The following UNC5C variants were observed in gnomAD, a reference collection of about 807,000 sequenced individuals.
UNC5C encodes the protein netrin receptor UNC5C.
In UNC5C, 47 loss-of-function variants were observed where a neutral mutation model predicts 99.8. That is an observed-to-expected ratio of 0.47 (90% CI 0.37 to 0.60). The LOEUF (loss-of-function observed/expected upper bound fraction) is 0.60, where lower values mean the gene tolerates loss of function less well. Ranked by LOEUF, UNC5C falls within the 20% of genes least tolerant of loss-of-function variation. The pLI is 0.00. For missense variants in UNC5C, 1,062 were observed against 1,165.9 expected, an observed-to-expected ratio of 0.91 and a Z score of 1.30; for synonymous variants, 487 against 452.2, an observed-to-expected ratio of 1.08 and a Z score of -0.98.
At chr4:95,469,491 G>T (rs939840067) in intron 1 of UNC5C, among the ~76,000 whole-genome samples, 1 of 152,048 alleles carries the variant, frequency 6.6e-6, no homozygotes, top group Non-Finnish European at 1.5e-5. Flanking sequence ...TGCATTTTCA[G>T]TACAAGATAA....
Position 95,301,639 on chromosome 4 carries a change from T to C in UNC5C, c.457A>G (p.Thr153Ala), listed in dbSNP as rs370458167. 78 of 1,613,892 alleles carry C rather than the reference T, an allele frequency of 4.8e-5. No homozygotes were observed. The highest frequency in any genetic ancestry group is 6.3e-5 in the Non-Finnish European group (74 of 1,180,034). Residue 153 changes from threonine (T) to alanine (A), a missense_variant, in exon 3 of 16, where the codon ACA becomes GCA. By Grantham distance (58) the Thr-to-Ala change is moderately conservative. Coordinates refer to ENST00000453304, the MANE Select transcript of UNC5C (RefSeq NM_003728.4). The part of the protein sequence containing the change: ...QCVAWSSAGT[T>A]KSRKAYVRIA... ...CGCACATACGCCTTCCGGCTCTTTG[T>C]GGTACCCGCGGAGCTCCAGGCCACA...
chr4:95,487,605 A>T (rs1721362917), intron 1 of UNC5C, among the ~76,000 whole-genome samples: 1 of 151,758 alleles, frequency 6.6e-6, no homozygotes, highest in Non-Finnish European at 1.5e-5. Flanking sequence ...ATAAATACTT[A>T]TGTGCCACCA....
chr4:95,321,012 C>T (rs1436185875), intron 2 of UNC5C, among the ~76,000 whole-genome samples: 2 of 152,092 alleles, frequency 1.3e-5, no homozygotes, highest in African/African-American at 2.4e-5. Context: ...ACACAACTTG[C>T]TAAAATTGCA....
At chr4:95,234,966 C>T (rs939395320) in intron 7 of UNC5C, among the ~76,000 whole-genome samples, 1 of 152,070 alleles carries the variant, frequency 6.6e-6, no homozygotes, top group Admixed American at 6.6e-5. Flanking sequence ...ATTGCAAGGA[C>T]AGATATGTGT....
intron 1 of UNC5C, among the ~76,000 whole-genome samples, chr4:95,421,744 C>G (rs1158988411): frequency 6.6e-6 from 1 of 152,128 alleles, no homozygotes; most frequent in African/African-American, 2.4e-5. Flanking sequence ...TTCAGGCCCT[C>G]AAAGTAACAC....
intron 1 of UNC5C, among the ~76,000 whole-genome samples, chr4:95,393,240 C>G (rs1237686938): frequency 6.6e-6 from 1 of 152,140 alleles, no homozygotes; most frequent in Non-Finnish European, 1.5e-5. Flanking sequence ...GTCACTTCCT[C>G]CTCCCTAAGA....
At chr4:95,342,242 A>G (rs532810555) in intron 1 of UNC5C, among the ~76,000 whole-genome samples, 1 of 152,182 alleles carries the variant, frequency 6.6e-6, no homozygotes, top group Admixed American at 6.5e-5. Flanking sequence ...GACAGCTTAT[A>G]GGAGACATTC....
At chr4:95,484,055 A>G (rs1721253810) in intron 1 of UNC5C, among the ~76,000 whole-genome samples, 1 of 151,816 alleles carries the variant, frequency 6.6e-6, no homozygotes, top group Non-Finnish European at 1.5e-5. Flanking sequence ...AATCAACAAA[A>G]ATATTAAAAA....
intron 1 of UNC5C, among the ~76,000 whole-genome samples, chr4:95,545,694 A>G (rs950737477): frequency 1.1e-4 from 16 of 152,122 alleles, no homozygotes; most frequent in African/African-American, 2.7e-4. Flanking sequence ...AATGCTGTGT[A>G]GCCCAGATAA....
chr4:95,401,073 A>G (rs1371029164), intron 1 of UNC5C, among the ~76,000 whole-genome samples: 1 of 152,034 alleles, frequency 6.6e-6, no homozygotes, highest in Admixed American at 6.6e-5. Flanking sequence ...ATTTGAGACG[A>G]TTTTCTCACT....
At position 95,382,358 on chromosome 4, in the gene UNC5C, T is replaced by C. The variant is rs373061719; in HGVS notation, c.125-46727A>G. ...CATAGTGGCATGCGCATGTACTCCCTGCTGCTCGGGAAGCTGAGGGAAGAA... is the reference window on the plus strand; with the variant it reads ...CATAGTGGCATGCGCATGTACTCCCCGCTGCTCGGGAAGCTGAGGGAAGAA... On this transcript the variant is annotated intron_variant, in intron 1 of 15. Coordinates refer to ENST00000453304, the MANE Select transcript of UNC5C (RefSeq NM_003728.4). Among the ~76,000 whole-genome samples the C allele has an allele frequency of 2.4e-4, 36 of 151,706 alleles. No homozygotes were observed. The South Asian group carries it at 5.8e-3, about 25-fold the overall frequency.
intron 1 of UNC5C, among the ~76,000 whole-genome samples, chr4:95,488,994 C>T (rs1057125462): frequency 1.3e-5 from 2 of 150,498 alleles, no homozygotes; most frequent in Non-Finnish European, 1.5e-5. Flanking sequence ...TTGTGTTATG[C>T]ACCAAGGGGA....
chr4:95,439,383 G>GTTT (rs3069229), intron 1 of UNC5C, among the ~76,000 whole-genome samples: 3,870 of 144,412 alleles, frequency 0.027, 78 homozygotes, highest in African/African-American at 0.059. Flanking sequence ...TGAGGTTTTG[G>GTTT]TTTTTTTTTT....
chr4:95,254,491 G>C (rs1354838310), intron 4 of UNC5C, among the ~76,000 whole-genome samples: 1 of 152,068 alleles, frequency 6.6e-6, no homozygotes, highest in Admixed American at 6.5e-5. Context: ...GCTCCCCAAG[G>C]GTTGTAATTT....
At chr4:95,263,219 C>G (rs962198043) in intron 4 of UNC5C, among the ~76,000 whole-genome samples, 1 of 152,076 alleles carries the variant, frequency 6.6e-6, no homozygotes, top group African/African-American at 2.4e-5. Flanking sequence ...AACTTTAAGT[C>G]AACAATTCTT....
At chr4:95,428,445 C>A (rs574317033) in intron 1 of UNC5C, among the ~76,000 whole-genome samples, 3 of 152,078 alleles carry the variant, frequency 2.0e-5, no homozygotes, top group Non-Finnish European at 4.4e-5. Flanking sequence ...ATGGTGATTG[C>A]GTTTCTTATT....
At chr4:95,193,596 CAT>C (rs1328040492) in intron 12 of UNC5C, among the ~76,000 whole-genome samples, 3 of 152,190 alleles carry the variant, frequency 2.0e-5, no homozygotes, top group Non-Finnish European at 2.9e-5. Flanking sequence ...TGTTCATTAT[CAT>C]GTGTCGAAAA....
chr4:95,440,896 G>C (rs1241387896), intron 1 of UNC5C, among the ~76,000 whole-genome samples: 1 of 152,124 alleles, frequency 6.6e-6, no homozygotes, highest in African/African-American at 2.4e-5. Flanking sequence ...CAAACATTAA[G>C]TAATTTTTAT....
intron 7 of UNC5C, among the ~76,000 whole-genome samples, chr4:95,238,477 T>G (rs1041066932): frequency 1.3e-5 from 2 of 152,134 alleles, no homozygotes; most frequent in African/African-American, 4.8e-5. Flanking sequence ...CACCTTCCCA[T>G]ATTCCATGTT....
Sources: allele counts gnomAD v4.1 joint callset (sites outside exome capture counted in the v4.1 genomes callset), GRCh38; gene constraint gnomAD v4.1.1; transcripts MANE v1.5; gene names NCBI Gene and HGNC (gene_info 2026-07-23, HGNC 2026-07-21).